The following WRNIP1 variants were observed in gnomAD, a reference collection of about 807,000 sequenced individuals.
WRNIP1 encodes ATPase WRNIP1.
In WRNIP1, 41 loss-of-function variants were observed where a neutral mutation model predicts 56.1. The observed-to-expected ratio is 0.73, with a 90% confidence interval of 0.57 to 0.95. The LOEUF (loss-of-function observed/expected upper bound fraction) is 0.95. Among genes scored for constraint, WRNIP1 ranks in the 40% least tolerant of loss-of-function variants. The pLI, the probability that WRNIP1 is intolerant of heterozygous loss-of-function variation, is 0.00. For missense variants in WRNIP1, 1,170 were observed against 939.4 expected, an observed-to-expected ratio of 1.25 and a Z score of -3.21; for synonymous variants, 547 against 398.1, an observed-to-expected ratio of 1.37 and a Z score of -4.45.
rs751644256 is a variant in WRNIP1 at position 2,768,022 on chromosome 6, TAAC to T, written c.823-664_823-662del. Among the ~76,000 whole-genome samples, 18 of 152,336 alleles carry T rather than the reference TAAC, an allele frequency of 1.2e-4. No individual in the cohort carries two copies. In the South Asian group the frequency reaches 1.2e-3, roughly 11 times the overall value. ...TTTTCTTCTCATCCTTTAGTACTAA[TAAC>T]AACATTCATATTAATAACAGCATAT... is the stretch of plus-strand genomic sequence containing the variant. On this transcript the variant is annotated intron_variant, in intron 1 of 6. Coordinates refer to ENST00000380773, the MANE Select transcript of WRNIP1 (RefSeq NM_020135.3).
chr6:2,781,389 G>T (rs928095027), intron 4 of WRNIP1, among the ~76,000 whole-genome samples: 6 of 152,236 alleles, frequency 3.9e-5, no homozygotes, highest in Non-Finnish European at 1.5e-5. Context: ...CTGCCCCACA[G>T]TGGATCCGCA....
chr6:2,782,445 C>G (rs1338565308), intron 4 of WRNIP1, among the ~76,000 whole-genome samples: 1 of 152,254 alleles, frequency 6.6e-6, no homozygotes, highest in Non-Finnish European at 1.5e-5. Context: ...CACCTGAAGA[C>G]CAACTGTCAT....
chr6:2,779,377 T>C lies in WRNIP1; in HGVS notation c.1371T>C (p.Ser457=). The part of the protein sequence containing the change: ...LQLAVLARLS[S]RKMFCKKSGQ... ...TGGCGGTGCTGGCTAGGTTAAGCTC[T>C]AGGAAGATGTTCTGTAAGAAGAGTG... Residue 457 remains serine, a synonymous_variant, in exon 4 of 7, where the codon TCT becomes TCC. Coordinates refer to ENST00000380773, the MANE Select transcript of WRNIP1 (RefSeq NM_020135.3). 1 of 1,614,162 alleles carries C rather than the reference T, an allele frequency of 6.2e-7. No homozygotes were observed. The highest frequency in any genetic ancestry group is 8.5e-7 in the Non-Finnish European group (1 of 1,180,034).
In WRNIP1 at chr6:2,770,372, A is replaced by G. The variant is rs756523921; in HGVS notation, c.1256+11A>G. On this transcript the variant is annotated intron_variant, in intron 3 of 6. Transcript: ENST00000380773. ...CAACAGCAGCTCAGAGTAAGTTGAC[A>G]GTGTGCAGCGTCCTGGGGGCACACA... 1 of 1,613,962 alleles carries G rather than the reference A, an allele frequency of 6.2e-7. No homozygotes were observed. Among genetic ancestry groups the G allele is most frequent in the Non-Finnish European group, 8.5e-7 (1 of 1,179,936 alleles).
intron 5 of WRNIP1, among the ~76,000 whole-genome samples, chr6:2,784,095 G>C (rs1224705509): frequency 6.6e-6 from 1 of 152,166 alleles, no homozygotes; most frequent in Non-Finnish European, 1.5e-5. Context: ...TAGATGCAGA[G>C]TTTTTATCCA....
In WRNIP1 at chr6:2,765,752, C is replaced by A. The variant is rs753004085; in HGVS notation, c.130C>A (p.Pro44Thr). 1.3e-6 allele frequency: 2 copies of A among 1,498,234 alleles called. No homozygotes were observed. Among genetic ancestry groups the A allele is most frequent in the African/African-American group, 1.4e-5 (1 of 69,366 alleles). 92.8% of individuals were successfully genotyped at this position (1,498,234 alleles called of 1,614,324 possible). ...SHLDRCLLLH[P>T]AGHAEPAAGS... The stretch of plus-strand genomic sequence containing the variant: ...CCTGGACCGCTGTCTGCTGCTCCAC[C>A]CGGCGGGGCACGCGGAGCCCGCGGC... Residue 44 changes from proline to threonine, a missense_variant, in exon 1 of 7, where the codon CCG (proline) becomes ACG (threonine). Pro to Thr is a conservative substitution (Grantham distance 38). Coordinates refer to ENST00000380773, the MANE Select transcript of WRNIP1 (RefSeq NM_020135.3).
At chr6:2,767,108 G>A (rs932953313) in intron 1 of WRNIP1, among the ~76,000 whole-genome samples, 17 of 152,172 alleles carry the variant, frequency 1.1e-4, no homozygotes, top group African/African-American at 4.1e-4. Context: ...CTCTAGAGAA[G>A]AAACATCCGT....
intron 4 of WRNIP1, among the ~76,000 whole-genome samples, chr6:2,782,938 G>A (rs1014012432): frequency 1.3e-5 from 2 of 152,176 alleles, no homozygotes; most frequent in African/African-American, 4.8e-5. Context: ...AAAGGCAGCT[G>A]GAAATGACAC....
In WRNIP1 at chr6:2,766,513, G is replaced by T. The variant is rs1430324283; in HGVS notation, c.822+69G>T. On this transcript the variant is annotated intron_variant, in intron 1 of 6. Coordinates refer to ENST00000380773, the MANE Select transcript of WRNIP1 (RefSeq NM_020135.3). ...GGTGGATGCAGCTGATGGTCGGAGA[G>T]CCGGGTGTGCTGCCCTCGAAAGAAG... The T allele has an allele frequency of 2.1e-6, 3 of 1,435,416 alleles. No homozygotes were observed. In the African/African-American group the frequency reaches 4.3e-5, roughly 20 times the overall value. 88.9% of individuals were successfully genotyped at this position (1,435,416 alleles called of 1,614,324 possible).
intron 4 of WRNIP1, 62 bp downstream of exon 4, chr6:2,779,554 C>T: frequency 6.6e-7 from 1 of 1,521,080 alleles, no homozygotes; most frequent in Non-Finnish European, 8.9e-7. Flanking sequence ...CACACATTCT[C>T]ATTTCCGGAA....
In WRNIP1 at chr6:2,785,118, C is replaced by T; in HGVS notation, c.1834C>T (p.Pro612Ser). 3 of 1,614,188 alleles carry T rather than the reference C, an allele frequency of 1.9e-6. No homozygotes were observed. The highest frequency in any genetic ancestry group is 2.2e-5 in the East Asian group (1 of 44,888). Residue 612 changes from proline to serine, a missense_variant, in exon 7 of 7, where the codon CCC becomes TCC. Transcript: ENST00000380773. ...ACLRNHQGPLPPVPLHLRNAP... is the reference protein window; with the variant it reads ...ACLRNHQGPLSPVPLHLRNAP... Reference sequence around the variant, plus strand: ...CCTGAGGAACCACCAGGGGCCACTGCCCCCCGTGCCCCTGCACCTGAGGAA... The same window carrying T: ...CCTGAGGAACCACCAGGGGCCACTGTCCCCCGTGCCCCTGCACCTGAGGAA...
intron 5 of WRNIP1, 112 bp from the exon 6 acceptor site, chr6:2,784,206 ATGGGAT>A: frequency 2.4e-6 from 2 of 823,988 alleles, no homozygotes; most frequent in Non-Finnish European, 3.8e-6. Flanking sequence ...GTTTTGCTAC[ATGGGAT>A]TGTTTTGGTC....
At chr6:2,774,051 T>A in intron 3 of WRNIP1, 1 of 985,380 alleles carries the variant, frequency 1.0e-6, no homozygotes, top group Non-Finnish European at 1.2e-6. Flanking sequence ...TAAATAACCT[T>A]TTGTGCCATT....
At chr6:2,784,864 T>C in intron 6 of WRNIP1, 143 bp from the exon 7 acceptor site, 4 of 1,069,240 alleles carry the variant, frequency 3.7e-6, no homozygotes, top group Non-Finnish European at 5.4e-6. Context: ...TAGGTGGTTA[T>C]CCAGACTGTA....
chr6:2,773,449 G>C (rs185928552), intron 3 of WRNIP1: 47 of 985,398 alleles, frequency 4.8e-5, no homozygotes, highest in Non-Finnish European at 5.5e-5. Flanking sequence ...TGAAGGATAA[G>C]CAGAATTTAA....
At chr6:2,769,249 A>G (rs1243144369) in intron 2 of WRNIP1, among the ~76,000 whole-genome samples, 3 of 152,232 alleles carry the variant, frequency 2.0e-5, no homozygotes, top group African/African-American at 7.2e-5. Flanking sequence ...TTACTTTAAC[A>G]GTATTTTTAT....
At position 2,766,272 on chromosome 6, in the gene WRNIP1, A is replaced by G. The variant is rs755992922; in HGVS notation, c.650A>G (p.Glu217Gly). Residue 217 changes from glutamate to glycine, a missense_variant, in exon 1 of 7, where the codon GAG (glutamate) becomes GGG (glycine). Coordinates refer to ENST00000380773, the MANE Select transcript of WRNIP1 (RefSeq NM_020135.3). The stretch of plus-strand genomic sequence containing the variant: ...CACCCCCGGGCGCTGGCTGCCGAGG[A>G]GATCCGACAGATGCTACAGGGCAAG... ...RPHPRALAAE[E>G]IRQMLQGKPL... 6.4e-6 allele frequency: 10 copies of G among 1,573,432 alleles called. No homozygotes were observed. Among genetic ancestry groups the G allele is most frequent in the Non-Finnish European group, 8.6e-6 (10 of 1,162,418 alleles).
At chr6:2,781,326 A>T (rs1209105054) in intron 4 of WRNIP1, among the ~76,000 whole-genome samples, 2 of 152,176 alleles carry the variant, frequency 1.3e-5, no homozygotes, top group Non-Finnish European at 2.9e-5. Flanking sequence ...CCCACATCCT[A>T]TACATCTTCC....
chr6:2,774,444 A>C (rs1765385584), intron 3 of WRNIP1: 1 of 205,128 alleles, frequency 4.9e-6, no homozygotes, highest in Non-Finnish European at 8.6e-6. Context: ...ATGTCACTCC[A>C]GTCTCTACAT....
Sources: gnomAD v4.1 joint callset for allele counts (sites outside exome capture counted in the v4.1 genomes callset) on GRCh38, gnomAD v4.1.1 for gene constraint, MANE v1.5 for transcripts, NCBI Gene and HGNC (gene_info 2026-07-23, HGNC 2026-07-21) for gene names.